The following NDUFS2 variants were observed in gnomAD, a reference collection of about 807,000 sequenced individuals.
NDUFS2 encodes NADH:ubiquinone oxidoreductase core subunit S2.
A neutral mutation model predicts 69.6 loss-of-function variants in NDUFS2; 38 were observed. That is an observed-to-expected ratio of 0.55 (90% CI 0.42 to 0.72). NDUFS2 has a LOEUF of 0.72. NDUFS2 is among the 30% of genes least tolerant of loss of function. The probability of loss-of-function intolerance (pLI) is 0.00; values close to 1 mark genes in which losing one functional copy is unlikely to be tolerated. For missense variants in NDUFS2, 468 were observed against 595.0 expected, an observed-to-expected ratio of 0.79 and a Z score of 2.22; for synonymous variants, 194 against 211.2, an observed-to-expected ratio of 0.92 and a Z score of 0.70.
At chr1:161,210,209 A>G (rs752147633) in intron 7 of NDUFS2, 21 bp downstream of exon 7, 4 of 1,612,954 alleles carry the variant, frequency 2.5e-6, no homozygotes, top group Non-Finnish European at 3.4e-6. Context: ...AGTCAATGGG[A>G]AAAATCTCTC....
At chr1:161,210,515 A>G in intron 8 of NDUFS2, 76 bp from the exon 9 acceptor site, 1 of 1,610,730 alleles carries the variant, frequency 6.2e-7, no homozygotes, top group Non-Finnish European at 8.5e-7. Context: ...AGGATCAACA[A>G]GGGAGGCTAA....
At position 161,202,499 on chromosome 1, in the gene NDUFS2, C is replaced by T. The variant is rs1326977912; in HGVS notation, c.95+19C>T. 2 of 1,600,376 alleles carry T rather than the reference C, an allele frequency of 1.2e-6. No individual in the cohort carries two copies. The highest frequency in any genetic ancestry group is 1.7e-6 in the Non-Finnish European group (2 of 1,173,320). ...CCAGCAGGTGAGATCGAGGGCAGCT[C>T]TCGACACACTTTCTCCAAGGCTAGG... On this transcript the variant is annotated intron_variant, in intron 1 of 13. Coordinates refer to ENST00000676972, the MANE Select transcript of NDUFS2 (RefSeq NM_001377299.1).
At chr1:161,209,120 G>T in intron 3 of NDUFS2, 73 bp from the exon 4 acceptor site, 2 of 1,608,160 alleles carry the variant, frequency 1.2e-6, no homozygotes, top group Non-Finnish European at 1.7e-6. Context: ...CCGACTGAGA[G>T]CAAGGCTTCA....
At chr1:161,213,606 C>T in intron 11 of NDUFS2, 43 bp from the exon 12 acceptor site, 1 of 1,598,754 alleles carries the variant, frequency 6.3e-7, no homozygotes, top group Non-Finnish European at 8.6e-7. Context: ...GAGAAAAATA[C>T]TCTTCATGTT....
upstream of NDUFS2, chr1:161,202,134 T>C (rs1665161393): frequency 3.5e-6 from 2 of 564,250 alleles, no homozygotes; most frequent in East Asian, 3.1e-5. Flanking sequence ...AATTTTCCCT[T>C]GCTCGCTCCT....
At chr1:161,199,242 G>GCTGATGACATAGCCTTTTCC (rs1473677560), upstream of NDUFS2, 2 of 152,348 alleles carry the variant, frequency 1.3e-5, no homozygotes, top group Non-Finnish European at 2.9e-5. Context: ...CACTGGGCCA[G>GCTGATGACATAGCCTTTTCC]CTGATGACAT....
intron 3 of NDUFS2, among the ~76,000 whole-genome samples, chr1:161,208,088 G>A (rs1349604867): frequency 2.0e-5 from 3 of 149,368 alleles, no homozygotes; most frequent in Non-Finnish European, 3.0e-5. Flanking sequence ...AGGTTCAAGC[G>A]AGTCTCGTTC....
intron 10 of NDUFS2, 39 bp downstream of exon 10, chr1:161,212,519 AG>A: frequency 1.9e-6 from 3 of 1,604,446 alleles, no homozygotes; most frequent in Non-Finnish European, 2.5e-6. Flanking sequence ...GGTGTTGGAA[AG>A]GGGCCAGTGG....
chr1:161,208,366 T>A (rs572111243), intron 3 of NDUFS2, among the ~76,000 whole-genome samples: 1 of 152,080 alleles, frequency 6.6e-6, no homozygotes, highest in Non-Finnish European at 1.5e-5. Flanking sequence ...AGTGGCATAG[T>A]CTTGTCTCAC....
In NDUFS2 at chr1:161,212,642, C is replaced by G. The variant is rs377765017; in HGVS notation, c.1116+162C>G. On this transcript the variant is annotated intron_variant, in intron 10 of 13. Transcript: ENST00000676972. Reference sequence around the variant, plus strand: ...GAGTGCAATCTCGGCTAACTGCAACCTCCGCCTCCCAGGTTCAAGCAATTC... The same window carrying G: ...GAGTGCAATCTCGGCTAACTGCAACGTCCGCCTCCCAGGTTCAAGCAATTC... 25 of 831,886 alleles carry G rather than the reference C, an allele frequency of 3.0e-5. 1 individual carries two copies. Among genetic ancestry groups the G allele is most frequent in the South Asian group, 2.2e-4 (13 of 59,834 alleles). 51.5% of individuals were successfully genotyped at this position (831,886 alleles called of 1,614,324 possible). A position where few individuals can be genotyped will look rare whatever the true frequency, so the allele number is the denominator to read the frequency against.
At chr1:161,198,084 G>A (rs764740290), upstream of NDUFS2, 38 of 1,612,980 alleles carry the variant, frequency 2.4e-5, no homozygotes, top group Admixed American at 8.3e-5. The surrounding 1 kb of genome is among the most constrained non-coding windows in gnomAD (Gnocchi z 4.7). Flanking sequence ...CTCTTCCGGC[G>A]TAGGATGTGA....
chr1:161,198,424 G>C (rs770962049), upstream of NDUFS2: 1 of 1,596,952 alleles, frequency 6.3e-7, no homozygotes, highest in Non-Finnish European at 8.5e-7. The surrounding 1 kb of genome is among the most constrained non-coding windows in gnomAD (Gnocchi z 4.7). Context: ...GGACGCTGCC[G>C]TTGAGCTTCT....
chr1:161,202,433 G>A lies in NDUFS2; in HGVS notation c.48G>A (p.Gln16=). The change falls in exon 1 of 14, where the codon CAG becomes CAA. Residue 16 remains glutamine (Q), a synonymous_variant. Transcript: ENST00000676972. The part of the protein sequence containing the change: ...ALCGFRGVAA[Q]VLRPGAGVRL... ...GCGGCTTCCGGGGCGTCGCGGCCCAGGTGCTGCGGCCTGGGGCTGGAGTCC... is the reference window on the plus strand; with the variant it reads ...GCGGCTTCCGGGGCGTCGCGGCCCAAGTGCTGCGGCCTGGGGCTGGAGTCC... 1 of 1,612,936 alleles carries A rather than the reference G, an allele frequency of 6.2e-7. No individual in the cohort carries two copies. The highest frequency in any genetic ancestry group is 8.5e-7 in the Non-Finnish European group (1 of 1,179,738).
At chr1:161,214,027 A>C in intron 13 of NDUFS2, 106 bp downstream of exon 13, 1 of 1,613,392 alleles carries the variant, frequency 6.2e-7, no homozygotes, top group African/African-American at 1.3e-5. Context: ...CATGGCATGG[A>C]CTCGGGTCCT....
At position 161,214,297 on chromosome 1, in the gene NDUFS2, GTGTA is replaced by G; in HGVS notation, c.*108_*111del. On this transcript the variant is annotated 3_prime_UTR_variant, in exon 14 of 14. Transcript: ENST00000676972. ...TGTGTGTGTGTGTGTGTGTGTGTGT[GTGTA>G]TGTTCATGTACACTTGGCTGTCAGG... 1.8e-6 allele frequency: 2 copies of G among 1,090,572 alleles called. No homozygotes were observed. Among genetic ancestry groups the G allele is most frequent in the Non-Finnish European group, 2.8e-6 (2 of 718,154 alleles). The allele number at this position is 1,090,572 out of a possible 1,614,324, so 67.6% of individuals were successfully genotyped here.
rs148501760 is a variant in NDUFS2, at chr1:161,209,942, C to T, written c.702+11C>T. The T allele has an allele frequency of 1.2e-6, 2 of 1,613,588 alleles. No individual in the cohort carries two copies. The highest frequency in any genetic ancestry group is 1.3e-5 in the African/African-American group (1 of 75,006). ...GGAGGAGTGCACCAGGTGAGCAGGTCCCCGGCTTCCCCAAATGTCCAGCCC... is the reference window on the plus strand; with the variant it reads ...GGAGGAGTGCACCAGGTGAGCAGGTTCCCGGCTTCCCCAAATGTCCAGCCC... On this transcript the variant is annotated intron_variant, in intron 6 of 13. Coordinates refer to ENST00000676972, the MANE Select transcript of NDUFS2 (RefSeq NM_001377299.1).
At chr1:161,208,233 C>T (rs1456843866) in intron 3 of NDUFS2, among the ~76,000 whole-genome samples, 1 of 151,884 alleles carries the variant, frequency 6.6e-6, no homozygotes. Flanking sequence ...GCCACCCTGA[C>T]TTGGCCTCCC....
intron 3 of NDUFS2, among the ~76,000 whole-genome samples, chr1:161,207,580 C>A (rs1283731898): frequency 6.6e-6 from 1 of 151,852 alleles, no homozygotes; most frequent in African/African-American, 2.4e-5. Context: ...AAGGTGAAAC[C>A]CCATCTCTAC....
upstream of NDUFS2, chr1:161,197,993 A>G: frequency 6.4e-7 from 1 of 1,554,954 alleles, no homozygotes; most frequent in Non-Finnish European, 8.7e-7. Flanking sequence ...AGAGATGCCT[A>G]CCTTGGCTCT....
Sources: gnomAD v4.1 joint callset for allele counts (sites outside exome capture counted in the v4.1 genomes callset) on GRCh38, gnomAD v4.1.1 for gene constraint, Gnocchi (gnomAD v3.1) non-coding constraint, MANE v1.5 for transcripts, NCBI Gene and HGNC (gene_info 2026-07-23, HGNC 2026-07-21) for gene names.